The following ANGPTL4 variants were observed in gnomAD, a reference collection of about 807,000 sequenced individuals.
The protein encoded by ANGPTL4 is angiopoietin like 4.
ANGPTL4 carries 39 observed loss-of-function variants against 39.2 expected under a neutral mutation model. The ratio of observed to expected loss-of-function variants is 1.00; its 90% CI spans 0.77 to 1.30. The LOEUF (loss-of-function observed/expected upper bound fraction) is 1.30. ANGPTL4 is among the 50% of genes most tolerant of loss of function. ANGPTL4 has a pLI of 0.00. For missense variants in ANGPTL4, 545 were observed against 549.8 expected, an observed-to-expected ratio of 0.99 and a Z score of 0.09; for synonymous variants, 233 against 229.5, an observed-to-expected ratio of 1.02 and a Z score of -0.14.
Position 8,365,986 on chromosome 19 carries a change from G to C in ANGPTL4, c.351G>C (p.Gln117His), listed in dbSNP as rs778475399. The C allele has an allele frequency of 3.1e-5, 50 of 1,614,024 alleles. No individual in the cohort carries two copies. Among genetic ancestry groups the C allele is most frequent in the Non-Finnish European group, 4.2e-5 (49 of 1,180,030 alleles). ...TQLKAQNSRIQQLFHKVAQQQ... is the reference protein window; with the variant it reads ...TQLKAQNSRIHQLFHKVAQQQ... ...TCAAGGCTCAGAACAGCAGGATCCA[G>C]CAACTCTTCCACAAGGTGGCCCAGC... Residue 117 changes from glutamine (Q) to histidine (H), a missense_variant, in exon 2 of 7, where the codon CAG becomes CAC. By Grantham distance (24) the Gln-to-His change is conservative (BLOSUM62 0). Coordinates refer to ENST00000301455, the MANE Select transcript of ANGPTL4 (RefSeq NM_139314.3).
At position 8,364,584 on chromosome 19, in the gene ANGPTL4, A is replaced by T. The variant is rs376983647; in HGVS notation, c.263A>T (p.Asp88Val). The T allele has an allele frequency of 6.3e-7, 1 of 1,588,988 alleles. No individual in the cohort carries two copies. Among genetic ancestry groups the T allele is most frequent in the Non-Finnish European group, 8.6e-7 (1 of 1,169,420 alleles). Residue 88 changes from aspartate to valine, a missense_variant, in exon 1 of 7, where the codon GAC (aspartate) becomes GTC (valine). Physicochemically the swap from Asp to Val is radical, Grantham distance 152. Coordinates refer to ENST00000301455, the MANE Select transcript of ANGPTL4 (RefSeq NM_139314.3). ...SACQGTEGST[D>V]LPLAPESRVD... is the part of the protein sequence containing the mutation. ...TGTCAGGGAACCGAGGGGTCCACCG[A>T]CCTCCCGTTAGCCCCTGAGAGCCGG...
chr19:8,367,024 G>A (rs1449294001), intron 3 of ANGPTL4, among the ~76,000 whole-genome samples: 3 of 151,818 alleles, frequency 2.0e-5, no homozygotes, highest in East Asian at 1.9e-4. Flanking sequence ...CTAAGTTCAC[G>A]GCCCCACACG....
intron 2 of ANGPTL4, 31 bp downstream of exon 2, chr19:8,366,095 C>A: frequency 1.2e-6 from 2 of 1,609,572 alleles, no homozygotes; most frequent in Non-Finnish European, 1.7e-6. Flanking sequence ...GAAAAGGTCC[C>A]TCTGATAGCT....
chr19:8,369,179 C>T (rs1389589754), intron 3 of ANGPTL4, 40 bp from the exon 4 acceptor site: 1 of 1,549,216 alleles, frequency 6.5e-7, no homozygotes, highest in South Asian at 1.2e-5. Flanking sequence ...CCCCCAGGGG[C>T]TGCCCTCCTG....
Position 8,364,426 on chromosome 19 carries a change from T to C in ANGPTL4, c.105T>C (p.Phe35=). The stretch of plus-strand genomic sequence containing the variant: ...CCGTGCAGTCCAAGTCGCCGCGCTT[T>C]GCGTCCTGGGACGAGATGAATGTCC... The part of the protein sequence containing the change: ...GGPVQSKSPR[F]ASWDEMNVLA... Residue 35 remains phenylalanine, a synonymous_variant, in exon 1 of 7, where the codon TTT becomes TTC. Coordinates refer to ENST00000301455, the MANE Select transcript of ANGPTL4 (RefSeq NM_139314.3). 6.4e-7 allele frequency: 1 copy of C among 1,551,406 alleles called. No individual in the cohort carries two copies. Among genetic ancestry groups the C allele is most frequent in the Non-Finnish European group, 8.7e-7 (1 of 1,150,646 alleles).
chr19:8,366,967 T>TCGAA lies in ANGPTL4; in HGVS notation c.547+650_547+653dup, dbSNP rs754325406. 1.2e-4 allele frequency among the ~76,000 whole-genome samples: 17 copies of TCGAA among 147,010 alleles called. No homozygotes were observed. In the East Asian group the frequency reaches 3.1e-3, roughly 27 times the overall value. ...CTTTATTCCCAAATCTCCGTTCATC[T>TCGAA]CGAACCACAGCATGTCCACGTGTGT... On this transcript the variant is annotated intron_variant, in intron 3 of 6. Transcript: ENST00000301455.
In ANGPTL4 at chr19:8,366,247, C is replaced by A. The variant is rs547981454; in HGVS notation, c.475C>A (p.Pro159Thr). Residue 159 changes from proline (P) to threonine (T), a missense_variant, in exon 3 of 7, where the codon CCT becomes ACT. Coordinates refer to ENST00000301455, the MANE Select transcript of ANGPTL4 (RefSeq NM_139314.3). The stretch of plus-strand genomic sequence containing the variant: ...GCACCTAGACCATGAGGTGGCCAAG[C>A]CTGCCCGAAGAAAGAGGCTGCCCGA... ...HKHLDHEVAK[P>T]ARRKRLPEMA... is the part of the protein sequence containing the mutation. 8 of 1,614,104 alleles carry A rather than the reference C, an allele frequency of 5.0e-6. No individual in the cohort carries two copies. The South Asian group carries it at 7.7e-5, about 16-fold the overall frequency.
Position 8,366,246 on chromosome 19 carries a change from G to T in ANGPTL4, c.474G>T (p.Lys158Asn), listed in dbSNP as rs368376759. The T allele has an allele frequency of 1.9e-6, 3 of 1,614,138 alleles. No homozygotes were observed. In the South Asian group the frequency reaches 3.3e-5, roughly 18 times the overall value. The change falls in exon 3 of 7, where the codon AAG becomes AAT. Residue 158 changes from lysine to asparagine, a missense_variant. Coordinates refer to ENST00000301455, the MANE Select transcript of ANGPTL4 (RefSeq NM_139314.3). Reference sequence around the variant, plus strand: ...AGCACCTAGACCATGAGGTGGCCAAGCCTGCCCGAAGAAAGAGGCTGCCCG... The same window carrying T: ...AGCACCTAGACCATGAGGTGGCCAATCCTGCCCGAAGAAAGAGGCTGCCCG... Reference protein sequence around the residue: ...DHKHLDHEVAKPARRKRLPEM... With the variant: ...DHKHLDHEVANPARRKRLPEM...
chr19:8,365,243 C>G (rs548854697), intron 1 of ANGPTL4, among the ~76,000 whole-genome samples: 5 of 151,898 alleles, frequency 3.3e-5, no homozygotes, highest in African/African-American at 9.7e-5. Context: ...TTTGGGAGGG[C>G]GAGGCCAGTG....
chr19:8,373,247 A>T (rs1028219827), intron 6 of ANGPTL4, among the ~76,000 whole-genome samples: 1 of 152,144 alleles, frequency 6.6e-6, no homozygotes, highest in Non-Finnish European at 1.5e-5. Context: ...ACTACTAAAA[A>T]TACAAAAACT....
chr19:8,366,233 A>C lies in ANGPTL4; in HGVS notation c.461A>C (p.His154Pro), dbSNP rs772778640. Reference protein sequence around the residue: ...FGLLDHKHLDHEVAKPARRKR... With the variant: ...FGLLDHKHLDPEVAKPARRKR... ...CTCCTGGACCACAAGCACCTAGACC[A>C]TGAGGTGGCCAAGCCTGCCCGAAGA... The change falls in exon 3 of 7, where the codon CAT (histidine) becomes CCT (proline). Residue 154 changes from histidine to proline, a missense_variant. By Grantham distance (77) the His-to-Pro change is moderately conservative. Coordinates refer to ENST00000301455, the MANE Select transcript of ANGPTL4 (RefSeq NM_139314.3). 1 of 1,614,060 alleles carries C rather than the reference A, an allele frequency of 6.2e-7. No homozygotes were observed. Among genetic ancestry groups the C allele is most frequent in the East Asian group, 2.2e-5 (1 of 44,868 alleles).
chr19:8,373,621 A>T, intron 6 of ANGPTL4, 84 bp from the exon 7 acceptor site: 1 of 1,596,698 alleles, frequency 6.3e-7, no homozygotes, highest in Non-Finnish European at 8.6e-7. Context: ...AACCTGCCTC[A>T]TCCTCAACCC....
Position 8,371,242 on chromosome 19 carries a change from C to A in ANGPTL4, c.759C>A (p.Gly253=), listed in dbSNP as rs138696635. The change falls in exon 6 of 7, where the codon GGC becomes GGA. Residue 253 remains glycine (G), a splice_region_variant and synonymous_variant. Transcript: ENST00000301455. The surrounding 1 kb of genome is among the most constrained non-coding windows in gnomAD (Gnocchi z 5.1). ...AYKAGFGDPH[G]EFWLGLEKVH... ...ATGGAGTGGCCTCTCCCACTCCAGG[C>A]GAGTTCTGGCTGGGTCTGGAGAAGG... 14 of 1,614,046 alleles carry A rather than the reference C, an allele frequency of 8.7e-6. No homozygotes were observed. In the East Asian group the frequency reaches 2.2e-4, roughly 26 times the overall value.
At position 8,364,319 on chromosome 19, in the gene ANGPTL4, A is replaced by T. The variant is rs1445391868; in HGVS notation, c.-3A>T. 2 of 1,542,450 alleles carry T rather than the reference A, an allele frequency of 1.3e-6. No individual in the cohort carries two copies. Among genetic ancestry groups the T allele is most frequent in the Admixed American group, 1.9e-5 (1 of 51,706 alleles). On this transcript the variant is annotated 5_prime_UTR_variant, in exon 1 of 7. Coordinates refer to ENST00000301455, the MANE Select transcript of ANGPTL4 (RefSeq NM_139314.3). ...AATCCCCGCTCCCAGGCTACCTAAGAGGATGAGCGGTGCTCCGACGGCCGG... is the reference window on the plus strand; with the variant it reads ...AATCCCCGCTCCCAGGCTACCTAAGTGGATGAGCGGTGCTCCGACGGCCGG...
rs571736569 is a variant in ANGPTL4 at position 8,370,520 on chromosome 19, CT to C, written c.662-535del. Among the ~76,000 whole-genome samples the C allele has an allele frequency of 1.1e-4, 17 of 152,192 alleles. No homozygotes were observed. The East Asian group carries it at 3.1e-3, about 28-fold the overall frequency. On this transcript the variant is annotated intron_variant, in intron 4 of 6. Transcript: ENST00000301455. The stretch of plus-strand genomic sequence containing the variant: ...TTGAGGTCAGAAGTTCAAGACCAGC[CT>C]GGCCAACATGGTGAAACCCTATCTC...
At chr19:8,365,285 C>T (rs1194274845) in intron 1 of ANGPTL4, among the ~76,000 whole-genome samples, 2 of 151,922 alleles carry the variant, frequency 1.3e-5, no homozygotes, top group Non-Finnish European at 2.9e-5. Context: ...CAAGACCAGC[C>T]TGACCAACAC....
At chr19:8,372,091 T>C (rs369491394) in intron 6 of ANGPTL4, among the ~76,000 whole-genome samples, 29 of 150,652 alleles carry the variant, frequency 1.9e-4, no homozygotes, top group African/African-American at 5.9e-4. Flanking sequence ...AGTCCCGCTG[T>C]GTCTCCCAGG....
chr19:8,369,085 G>C (rs1971062556), intron 3 of ANGPTL4, 134 bp from the exon 4 acceptor site: 1 of 667,008 alleles, frequency 1.5e-6, no homozygotes, highest in African/African-American at 1.8e-5. Flanking sequence ...AGATGGCAGA[G>C]AGGTGGTCAT....
chr19:8,364,582 C>G lies in ANGPTL4; in HGVS notation c.261C>G (p.Thr87=), dbSNP rs774028182. ...GSACQGTEGS[T]DLPLAPESRV... is the part of the protein sequence containing the mutation. ...CCTGTCAGGGAACCGAGGGGTCCACCGACCTCCCGTTAGCCCCTGAGAGCC... is the reference window on the plus strand; with the variant it reads ...CCTGTCAGGGAACCGAGGGGTCCACGGACCTCCCGTTAGCCCCTGAGAGCC... Residue 87 remains threonine, a synonymous_variant, in exon 1 of 7, where the codon ACC becomes ACG. Transcript: ENST00000301455. 2.0e-5 allele frequency: 31 copies of G among 1,589,318 alleles called. No individual in the cohort carries two copies. Among genetic ancestry groups the G allele is most frequent in the Non-Finnish European group, 2.4e-5 (28 of 1,169,510 alleles).
Sources: allele counts gnomAD v4.1 joint callset (sites outside exome capture counted in the v4.1 genomes callset), GRCh38; gene constraint gnomAD v4.1.1; non-coding constraint Gnocchi (gnomAD v3.1); transcripts MANE v1.5; gene names NCBI Gene and HGNC (gene_info 2026-07-23, HGNC 2026-07-21).